NRXN1: variants seen among roughly 807,000 people sequenced by gnomAD.
The protein encoded by NRXN1 is neurexin-1.
A neutral mutation model predicts 150.9 loss-of-function variants in NRXN1; 39 were observed. That is an observed-to-expected ratio of 0.26 (90% confidence interval 0.20 to 0.34). NRXN1 has a LOEUF of 0.34. Ranked by LOEUF, NRXN1 falls within the 10% of genes least tolerant of loss-of-function variation. The pLI, the probability that NRXN1 is intolerant of heterozygous loss-of-function variation, is 1.00. For synonymous variants in NRXN1, 924 were observed against 757.0 expected (o/e 1.22, Z -3.62); for missense variants, 1,815 against 1,949.9 (o/e 0.93, Z 1.30).
At chr2:50,035,658 T>C (rs1689915711) in intron 21 of NRXN1, among the ~76,000 whole-genome samples, 1 of 152,006 alleles carries the variant, frequency 6.6e-6, no homozygotes, top group African/African-American at 2.4e-5. Context: ...GCCTAAAATA[T>C]AAAACTAAGG....
intron 5 of NRXN1, among the ~76,000 whole-genome samples, chr2:50,732,552 A>G (rs1559182185): frequency 6.6e-6 from 1 of 152,164 alleles, no homozygotes; most frequent in Non-Finnish European, 1.5e-5. Flanking sequence ...TCAATTACAG[A>G]TAATTATGTA....
chr2:50,760,789 C>A (rs1559223252), intron 5 of NRXN1, among the ~76,000 whole-genome samples: 1 of 151,852 alleles, frequency 6.6e-6, no homozygotes, highest in Non-Finnish European at 1.5e-5. Context: ...AACTCCGAGG[C>A]AGATGTGGTA....
At chr2:50,181,983 A>T (rs551604790) in intron 18 of NRXN1, among the ~76,000 whole-genome samples, 5 of 152,120 alleles carry the variant, frequency 3.3e-5, no homozygotes, top group African/African-American at 1.2e-4. Context: ...TAATTTTTCA[A>T]CTTAAAAAAC....
At chr2:50,796,006 A>T (rs1424071497) in intron 5 of NRXN1, among the ~76,000 whole-genome samples, 2 of 152,112 alleles carry the variant, frequency 1.3e-5, no homozygotes, top group Non-Finnish European at 2.9e-5. Flanking sequence ...CTTCAACTAA[A>T]GCCACCAGTC....
At chr2:50,007,085 G>A (rs1013512196) in intron 21 of NRXN1, among the ~76,000 whole-genome samples, 1 of 152,096 alleles carries the variant, frequency 6.6e-6, no homozygotes, top group Non-Finnish European at 1.5e-5. Context: ...GCTCACACCT[G>A]CAATCCTGAT....
At chr2:50,439,491 T>A (rs892943783) in intron 17 of NRXN1, among the ~76,000 whole-genome samples, 2 of 152,022 alleles carry the variant, frequency 1.3e-5, no homozygotes, top group South Asian at 4.2e-4. Flanking sequence ...TACAAAGCAA[T>A]TGGAAAAACA....
At chr2:50,383,531 A>G in intron 17 of NRXN1, among the ~76,000 whole-genome samples, 1 of 152,208 alleles carries the variant, frequency 6.6e-6, no homozygotes, top group East Asian at 1.9e-4. Flanking sequence ...ATGTTTCAGT[A>G]CATGTATACA....
intron 5 of NRXN1, among the ~76,000 whole-genome samples, chr2:50,807,628 C>G (rs542377557): frequency 6.6e-6 from 1 of 152,232 alleles, no homozygotes; most frequent in South Asian, 2.1e-4. Context: ...AATCAATTTG[C>G]AAAAGGAGCT....
intron 2 of NRXN1, among the ~76,000 whole-genome samples, chr2:50,929,506 T>C (rs558422922): frequency 6.6e-6 from 1 of 152,152 alleles, no homozygotes; most frequent in South Asian, 2.1e-4. Flanking sequence ...CTCTGCTAGA[T>C]GCCTGTGACT....
intron 18 of NRXN1, among the ~76,000 whole-genome samples, chr2:50,174,340 C>T (rs1415477148): frequency 6.6e-6 from 1 of 151,940 alleles, no homozygotes; most frequent in Admixed American, 6.6e-5. Context: ...TTTCTCAATT[C>T]AAATAAGAGT....
chr2:50,414,237 G>T (rs928901211), intron 17 of NRXN1, among the ~76,000 whole-genome samples: 4 of 152,008 alleles, frequency 2.6e-5, no homozygotes, highest in Non-Finnish European at 4.4e-5. Flanking sequence ...TAAATGCTAG[G>T]GGGGATGGAT....
In NRXN1 at chr2:50,441,622, T is replaced by G. The variant is rs10048731; in HGVS notation, c.3364+23820A>C. On this transcript the variant is annotated intron_variant, in intron 17 of 22. Transcript: ENST00000401669. The stretch of plus-strand genomic sequence containing the variant: ...CATTTTGTCCAAGACTCCTACTCCA[T>G]AGAAACAACAAATCGTCTGTATAAC... Among the ~76,000 whole-genome samples, 602 of 152,066 alleles carry G rather than the reference T, an allele frequency of 4.0e-3. 2 individuals carry two copies. The highest frequency in any genetic ancestry group is 7.2e-3 in the Non-Finnish European group (487 of 67,970).
chr2:50,801,363 T>A (rs1370796722), intron 5 of NRXN1, among the ~76,000 whole-genome samples: 1 of 152,178 alleles, frequency 6.6e-6, no homozygotes, highest in Non-Finnish European at 1.5e-5. Flanking sequence ...TATGTCAATC[T>A]GCAATATGTA....
At chr2:50,758,362 C>T (rs868652229) in intron 5 of NRXN1, among the ~76,000 whole-genome samples, 1 of 151,772 alleles carries the variant, frequency 6.6e-6, no homozygotes, top group Admixed American at 6.6e-5. Flanking sequence ...AATGCAGATG[C>T]TAACAAAAGA....
chr2:50,966,480 A>G (rs1386915983), intron 2 of NRXN1, among the ~76,000 whole-genome samples: 1 of 151,762 alleles, frequency 6.6e-6, no homozygotes, highest in Non-Finnish European at 1.5e-5. Flanking sequence ...ATTAGGCATG[A>G]TGAGGAAAAG....
intron 5 of NRXN1, among the ~76,000 whole-genome samples, 187 bp from the exon 6 acceptor site, chr2:50,623,802 A>T (rs1465790592): frequency 6.6e-6 from 1 of 152,058 alleles, no homozygotes; most frequent in African/African-American, 2.4e-5. Flanking sequence ...TATTATTATT[A>T]TACTTTAAGT....
chr2:50,069,490 A>G (rs1573724270), intron 19 of NRXN1, among the ~76,000 whole-genome samples: 1 of 152,230 alleles, frequency 6.6e-6, no homozygotes, highest in Admixed American at 6.5e-5. Context: ...AAATACCATA[A>G]ATGTTTTTTA....
intron 18 of NRXN1, among the ~76,000 whole-genome samples, chr2:50,204,354 G>GTC (rs1231900195): frequency 2.0e-5 from 3 of 151,770 alleles, no homozygotes; most frequent in African/African-American, 7.3e-5. Context: ...GTGTGTGTGT[G>GTC]TGTGTGTGTG....
At chr2:49,991,291 T>A (rs780932407) in intron 21 of NRXN1, among the ~76,000 whole-genome samples, 1 of 152,068 alleles carries the variant, frequency 6.6e-6, no homozygotes. Context: ...AATAAAACTA[T>A]CTTTGCTTGC....
Sources: allele counts gnomAD v4.1 joint callset (sites outside exome capture counted in the v4.1 genomes callset), GRCh38; gene constraint gnomAD v4.1.1; transcripts MANE v1.5; gene names NCBI Gene and HGNC (gene_info 2026-07-23, HGNC 2026-07-21).